LANCL3: variants seen among roughly 807,000 people sequenced by gnomAD.
The protein encoded by LANCL3 is lanC-like protein 3.
Under a neutral mutation model 26.5 loss-of-function variants are expected in LANCL3, and 19 were observed. The observed-to-expected ratio is 0.72, with a 90% CI of 0.50 to 1.05. LANCL3 has a LOEUF of 1.05. Ranked by LOEUF, LANCL3 falls within the 50% of genes least tolerant of loss-of-function variation. The probability of loss-of-function intolerance (pLI) is 0.00; values close to 1 mark genes in which losing one functional copy is unlikely to be tolerated. For synonymous variants in LANCL3, 160 were observed against 166.6 expected (o/e 0.96, Z 0.30); for missense variants, 318 against 362.7 (o/e 0.88, Z 1.00).
At chrX:37,647,174 C>T (rs920000231) in intron 1 of LANCL3, among the ~76,000 whole-genome samples, 3 of 110,409 alleles carry the variant, frequency 2.7e-5, no homozygotes, top group Non-Finnish European at 3.8e-5. Flanking sequence ...ATTAGCCAGG[C>T]GTGGTGGCAG....
intron 1 of LANCL3, among the ~76,000 whole-genome samples, chrX:37,637,973 A>T (rs1032716199): frequency 9.0e-5 from 10 of 110,990 alleles, no homozygotes; most frequent in Admixed American, 8.6e-4. Context: ...TCTCCTAGGA[A>T]TTTAAAATTG....
chrX:37,608,861 A>C (rs1924783894), intron 1 of LANCL3, among the ~76,000 whole-genome samples: 1 of 112,212 alleles, frequency 8.9e-6, no homozygotes, highest in African/African-American at 3.2e-5. Context: ...AAGAGAATTA[A>C]ACTTAAAACA....
At chrX:37,675,322 A>G (rs1314424390) in intron 4 of LANCL3, among the ~76,000 whole-genome samples, 3 of 112,446 alleles carry the variant, frequency 2.7e-5, no homozygotes, top group African/African-American at 3.2e-5. Context: ...CTTCTTTTCA[A>G]GATAAATAAA....
intron 1 of LANCL3, among the ~76,000 whole-genome samples, chrX:37,580,560 T>A (rs782453075): frequency 1.3e-4 from 15 of 111,909 alleles, no homozygotes; most frequent in African/African-American, 4.9e-4. Flanking sequence ...TGAGAACATT[T>A]AAAATCCACT....
chrX:37,617,602 G>A (rs1925044146), intron 1 of LANCL3, among the ~76,000 whole-genome samples: 1 of 111,797 alleles, frequency 8.9e-6, no homozygotes, highest in African/African-American at 3.3e-5. Context: ...AAGACTACCA[G>A]TATACCAGGG....
chrX:37,663,090 G>T (rs1556432972), intron 3 of LANCL3, among the ~76,000 whole-genome samples: 1 of 112,008 alleles, frequency 8.9e-6, no homozygotes, highest in African/African-American at 3.3e-5. Context: ...GTATCAGCCT[G>T]TGCTGGGTTG....
Position 37,640,936 on chromosome X carries a change from C to T in LANCL3, c.574-14752C>T, listed in dbSNP as rs782608622. 3.9e-4 allele frequency among the ~76,000 whole-genome samples: 44 copies of T among 111,699 alleles called. 1 individual carries two copies. Among genetic ancestry groups the T allele is most frequent in the Non-Finnish European group, 7.5e-4 (40 of 53,125 alleles). On this transcript the variant is annotated intron_variant, in intron 1 of 4. Transcript: ENST00000378619. The stretch of plus-strand genomic sequence containing the variant: ...AAAATTGAATCTGGCCATGGTGTCA[C>T]TTTTGTTCCTGGTAGTTAGGGGATG...
chrX:37,676,358 A>C lies in LANCL3; in HGVS notation c.*545A>C, dbSNP rs1343003742. On this transcript the variant is annotated 3_prime_UTR_variant, in exon 5 of 5. Coordinates refer to ENST00000378619, the MANE Select transcript of LANCL3 (RefSeq NM_001170331.2). ...AATTTATGGTTTTTACTGAGCAAAG[A>C]TATTTGCATATGAATCTCTATTTTT... The C allele has an allele frequency of 8.9e-6, 1 of 112,182 alleles. No homozygotes were observed. The highest frequency in any genetic ancestry group is 1.9e-5 in the Non-Finnish European group (1 of 53,238). 9.2% of individuals were successfully genotyped at this position (112,182 alleles called of 1,213,427 possible).
chrX:37,666,707 G>A (rs1556434072), intron 3 of LANCL3, among the ~76,000 whole-genome samples: 1 of 111,815 alleles, frequency 8.9e-6, no homozygotes, highest in Non-Finnish European at 1.9e-5. Context: ...AACAATCAGG[G>A]TGGGAAGGAC....
Position 37,682,193 on chromosome X carries a change from C to T in LANCL3, c.*6380C>T, listed in dbSNP as rs1248311643. 1 of 103,433 alleles carries T rather than the reference C, an allele frequency of 9.7e-6. No homozygotes were observed. Among genetic ancestry groups the T allele is most frequent in the Non-Finnish European group, 2.0e-5 (1 of 50,314 alleles). 8.5% of individuals were successfully genotyped at this position (103,433 alleles called of 1,213,427 possible). ...TCTCGGCTCGCTGCAAGCTCCGCCT[C>T]CCGGGTTCACGCCATTCTCCTGCCT... is the stretch of plus-strand genomic sequence containing the variant. On this transcript the variant is annotated 3_prime_UTR_variant, in exon 5 of 5. Coordinates refer to ENST00000378619, the MANE Select transcript of LANCL3 (RefSeq NM_001170331.2).
chrX:37,631,510 C>G (rs1333082374), intron 1 of LANCL3, among the ~76,000 whole-genome samples: 1 of 111,160 alleles, frequency 9.0e-6, no homozygotes, highest in African/African-American at 3.3e-5. Context: ...AATGTGTTTG[C>G]TCTTGCTTTT....
intron 1 of LANCL3, among the ~76,000 whole-genome samples, chrX:37,644,060 C>T (rs1054759742): frequency 1.8e-5 from 2 of 111,771 alleles, no homozygotes; most frequent in African/African-American, 3.3e-5. Flanking sequence ...TATCTTACCC[C>T]CAAGTCCCTG....
intron 1 of LANCL3, among the ~76,000 whole-genome samples, chrX:37,584,607 G>C (rs1434051471): frequency 1.8e-5 from 2 of 111,778 alleles, no homozygotes; most frequent in African/African-American, 6.5e-5. Flanking sequence ...TATTTGCGTA[G>C]AGGTGTTTAT....
chrX:37,663,562 T>C (rs1179042071), intron 3 of LANCL3, among the ~76,000 whole-genome samples: 1 of 111,749 alleles, frequency 8.9e-6, no homozygotes, highest in African/African-American at 3.3e-5. Context: ...TTCTGTGTCA[T>C]GCTAAGGCAT....
At chrX:37,586,320 T>C (rs1924079389) in intron 1 of LANCL3, among the ~76,000 whole-genome samples, 1 of 111,502 alleles carries the variant, frequency 9.0e-6, no homozygotes, top group African/African-American at 3.3e-5. Flanking sequence ...GTTCTCTGCA[T>C]TTCCTGAATT....
Position 37,655,755 on chromosome X carries a change from T to C in LANCL3, c.641T>C (p.Ile214Thr), listed in dbSNP as rs1248245982. ...CTGGACTCTGGGAAGCAGTATGCCATAAAGAAGAGGAAACCATTCCCCCTG... is the reference window on the plus strand; with the variant it reads ...CTGGACTCTGGGAAGCAGTATGCCACAAAGAAGAGGAAACCATTCCCCCTG... Reference protein sequence around the residue: ...AILDSGKQYAIKKRKPFPLMY... With the variant: ...AILDSGKQYATKKRKPFPLMY... Residue 214 changes from isoleucine (I) to threonine (T), a missense_variant, in exon 2 of 5, where the codon ATA (isoleucine) becomes ACA (threonine). By Grantham distance (89) the Ile-to-Thr change is moderately conservative. Coordinates refer to ENST00000378619, the MANE Select transcript of LANCL3 (RefSeq NM_001170331.2). 2 of 1,201,653 alleles carry C rather than the reference T, an allele frequency of 1.7e-6. No individual in the cohort carries two copies. Among genetic ancestry groups the C allele is most frequent in the African/African-American group, 1.8e-5 (1 of 56,861 alleles).
At chrX:37,579,988 G>T (rs1187295152) in intron 1 of LANCL3, among the ~76,000 whole-genome samples, 2 of 111,764 alleles carry the variant, frequency 1.8e-5, no homozygotes, top group Non-Finnish European at 3.8e-5. Context: ...GGTTTCCAGG[G>T]TAGAAACTGA....
intron 1 of LANCL3, among the ~76,000 whole-genome samples, chrX:37,584,964 T>TTTG (rs1556417623): frequency 8.9e-6 from 1 of 111,923 alleles, no homozygotes; most frequent in Non-Finnish European, 1.9e-5. Flanking sequence ...ACACACTGCT[T>TTTG]TAAATGTGTC....
chrX:37,648,762 C>G (rs782347057), intron 1 of LANCL3, among the ~76,000 whole-genome samples: 2 of 111,546 alleles, frequency 1.8e-5, no homozygotes, highest in East Asian at 5.6e-4. Flanking sequence ...AACAAATTTA[C>G]AAGAAAAAAA....
Sources: gnomAD v4.1 joint callset for allele counts (sites outside exome capture counted in the v4.1 genomes callset) on GRCh38, gnomAD v4.1.1 for gene constraint, MANE v1.5 for transcripts, NCBI Gene and HGNC (gene_info 2026-07-23, HGNC 2026-07-21) for gene names.